Variants in CDH12 observed in about 807,000 individuals in gnomAD.
CDH12 encodes the protein cadherin 12.
CDH12 carries 41 observed loss-of-function variants against 74.1 expected under a neutral mutation model. That is an observed-to-expected ratio of 0.55 (90% CI 0.43 to 0.72). The LOEUF (loss-of-function observed/expected upper bound fraction) is 0.72. Ranked by LOEUF, CDH12 falls within the 30% of genes least tolerant of loss-of-function variation. The pLI, the probability that CDH12 is intolerant of heterozygous loss-of-function variation, is 0.00. For synonymous variants in CDH12, 399 were observed against 355.0 expected (o/e 1.12, Z -1.39); for missense variants, 945 against 977.2 (o/e 0.97, Z 0.44).
intron 1 of CDH12, among the ~76,000 whole-genome samples, chr5:22,772,316 T>C (rs1746847468): frequency 6.6e-6 from 1 of 152,048 alleles, no homozygotes. Context: ...GCCACTGTGA[T>C]TTGACAAGAA....
At chr5:22,823,621 C>A (rs971359905) in intron 1 of CDH12, among the ~76,000 whole-genome samples, 3 of 152,066 alleles carry the variant, frequency 2.0e-5, no homozygotes, top group Admixed American at 6.6e-5. Flanking sequence ...TGTCGCCAAC[C>A]AAATCTCTTC....
chr5:22,698,322 T>G (rs1292260630), intron 1 of CDH12, among the ~76,000 whole-genome samples: 1 of 151,406 alleles, frequency 6.6e-6, no homozygotes, highest in African/African-American at 2.4e-5. Context: ...GGGTTCACCA[T>G]GTTGGTCAGG....
intron 1 of CDH12, among the ~76,000 whole-genome samples, chr5:22,670,019 C>A (rs1740825069): frequency 6.6e-6 from 1 of 151,954 alleles, no homozygotes; most frequent in Non-Finnish European, 1.5e-5. Flanking sequence ...TTATGACCAC[C>A]AGCCAAAATG....
intron 3 of CDH12, among the ~76,000 whole-genome samples, chr5:22,302,861 T>TAC (rs921658957): frequency 1.9e-4 from 29 of 152,080 alleles, no homozygotes; most frequent in African/African-American, 6.5e-4. Context: ...AAAGACCACA[T>TAC]ACACACACAC....
chr5:22,336,590 C>A (rs1185808535), intron 3 of CDH12, among the ~76,000 whole-genome samples: 2 of 152,226 alleles, frequency 1.3e-5, no homozygotes, highest in Admixed American at 1.3e-4. Flanking sequence ...TGGGCCATGG[C>A]TTCAGAGGGT....
chr5:22,783,535 A>G (rs1242746737), intron 1 of CDH12, among the ~76,000 whole-genome samples: 1 of 152,194 alleles, frequency 6.6e-6, no homozygotes, highest in Non-Finnish European at 1.5e-5. Flanking sequence ...GAGTTATACA[A>G]CTGGCAACTC....
chr5:22,785,089 C>T (rs181972527), intron 1 of CDH12, among the ~76,000 whole-genome samples: 103 of 152,184 alleles, frequency 6.8e-4, no homozygotes, highest in Admixed American at 1.1e-3. Context: ...CTTCTTCTGA[C>T]GGACACATCT....
At position 21,833,200 on chromosome 5, in the gene CDH12, A is replaced by ATAT. The variant is rs530916478; in HGVS notation, c.814+8958_814+8960dup. ...ATATATATTATATAACATATAATAT[A>ATAT]TATATTATAATATATATTATATGTT... On this transcript the variant is annotated intron_variant, in intron 8 of 14. Coordinates refer to ENST00000382254, the MANE Select transcript of CDH12 (RefSeq NM_004061.5). Among the ~76,000 whole-genome samples, 7 of 41,744 alleles carry ATAT rather than the reference A, an allele frequency of 1.7e-4. 1 individual carries two copies. Among genetic ancestry groups the ATAT allele is most frequent in the African/African-American group, 7.0e-4 (3 of 4,296 alleles). 27.4% of individuals were successfully genotyped at this position (41,744 alleles called of 152,430 possible).
In CDH12 at chr5:21,787,997, C is replaced by T. The variant is rs150427427; in HGVS notation, c.1257-4503G>A. 5.6e-3 allele frequency among the ~76,000 whole-genome samples: 848 copies of T among 152,196 alleles called. 10 individuals are homozygous for T. Among genetic ancestry groups the T allele is most frequent in the African/African-American group, 0.02 (817 of 41,540 alleles). On this transcript the variant is annotated intron_variant, in intron 10 of 14. Coordinates refer to ENST00000382254, the MANE Select transcript of CDH12 (RefSeq NM_004061.5). Reference sequence around the variant, plus strand: ...AACTGTAGTATTTCTGAAAGAATTGCTGATGTAGGCTCACTGTGTTCAATT... The same window carrying T: ...AACTGTAGTATTTCTGAAAGAATTGTTGATGTAGGCTCACTGTGTTCAATT...
At chr5:21,948,315 TGCCCAAGGCCATGGGA>T (rs1190498037) in intron 6 of CDH12, among the ~76,000 whole-genome samples, 1 of 152,164 alleles carries the variant, frequency 6.6e-6, no homozygotes, top group African/African-American at 2.4e-5. Context: ...GTGAAGGAAC[TGCCCAAGGCCATGGGA>T]GCCCACCCCT....
At chr5:22,748,668 C>T (rs1745409867) in intron 1 of CDH12, among the ~76,000 whole-genome samples, 1 of 152,076 alleles carries the variant, frequency 6.6e-6, no homozygotes. Context: ...TTTCAAGTAT[C>T]ATATCCACAG....
intron 1 of CDH12, among the ~76,000 whole-genome samples, chr5:22,610,643 G>A (rs752585331): frequency 4.7e-4 from 72 of 151,722 alleles, no homozygotes; most frequent in Non-Finnish European, 8.2e-4. Context: ...TTTTATAATT[G>A]TATTCAGCTC....
At chr5:22,065,371 G>A (rs1168735669) in intron 5 of CDH12, among the ~76,000 whole-genome samples, 2 of 152,170 alleles carry the variant, frequency 1.3e-5, no homozygotes, top group African/African-American at 4.8e-5. Context: ...AGTTAGATTG[G>A]CGGAATTTAT....
intron 3 of CDH12, among the ~76,000 whole-genome samples, chr5:22,327,425 CCT>C (rs748146172): frequency 0.068 from 6,130 of 90,206 alleles, 187 homozygotes; most frequent in South Asian, 0.14. Context: ...AAAATTTGTG[CCT>C]CTGTGTGTGT....
chr5:22,336,106 G>T (rs1238349991), intron 3 of CDH12, among the ~76,000 whole-genome samples: 1 of 152,148 alleles, frequency 6.6e-6, no homozygotes, highest in Non-Finnish European at 1.5e-5. Flanking sequence ...AAAGAGACTG[G>T]TGGCATTTTG....
chr5:22,205,145 A>T (rs1424661846), intron 4 of CDH12, among the ~76,000 whole-genome samples: 1 of 152,258 alleles, frequency 6.6e-6, no homozygotes, highest in Non-Finnish European at 1.5e-5. Context: ...AAACGTTAAC[A>T]ACAAAAGCAA....
intron 3 of CDH12, among the ~76,000 whole-genome samples, chr5:22,286,481 G>A (rs929519029): frequency 2.0e-5 from 3 of 152,054 alleles, no homozygotes; most frequent in African/African-American, 4.8e-5. Flanking sequence ...CAGCAGAGTC[G>A]GGTTTCATCT....
At chr5:22,634,298 A>T (rs1313745678) in intron 1 of CDH12, among the ~76,000 whole-genome samples, 3 of 152,156 alleles carry the variant, frequency 2.0e-5, no homozygotes, top group Non-Finnish European at 2.9e-5. Context: ...AAATTAACAG[A>T]TTTAAGAAAT....
intron 6 of CDH12, chr5:21,884,052 T>C: frequency 7.0e-7 from 1 of 1,438,200 alleles, no homozygotes; most frequent in Non-Finnish European, 9.8e-7. Flanking sequence ...TGTTGAAGGA[T>C]CTTTGATAGT....
Sources: allele counts gnomAD v4.1 joint callset (sites outside exome capture counted in the v4.1 genomes callset), GRCh38; gene constraint gnomAD v4.1.1; transcripts MANE v1.5; gene names NCBI Gene and HGNC (gene_info 2026-07-23, HGNC 2026-07-21).